The following RAB31 variants were observed in gnomAD, a reference collection of about 807,000 sequenced individuals.
The protein encoded by RAB31 is RAB31, member RAS oncogene family, also known as ras-related protein Rab-31.
In RAB31, 21 loss-of-function variants were observed where a neutral mutation model predicts 25.6. That is an observed-to-expected ratio of 0.82 (90% CI 0.58 to 1.18). The LOEUF (loss-of-function observed/expected upper bound fraction) is 1.18, where lower values mean the gene tolerates loss of function less well. Ranked by LOEUF, RAB31 falls within the 50% of genes most tolerant of loss-of-function variation. The pLI, the probability that RAB31 is intolerant of heterozygous loss-of-function variation, is 0.00. For synonymous variants in RAB31, 87 were observed against 84.0 expected, an observed-to-expected ratio of 1.04 and a Z score of -0.20; for missense variants, 196 against 250.1, an observed-to-expected ratio of 0.78 and a Z score of 1.46.
intron 5 of RAB31, among the ~76,000 whole-genome samples, chr18:9,821,366 C>A (rs977354510): frequency 3.3e-5 from 5 of 152,152 alleles, no homozygotes; most frequent in African/African-American, 1.2e-4. Flanking sequence ...AGGTTGAGGG[C>A]CCTCTGCAGA....
At chr18:9,831,588 G>A (rs2068678727) in intron 5 of RAB31, among the ~76,000 whole-genome samples, 1 of 152,282 alleles carries the variant, frequency 6.6e-6, no homozygotes, top group Admixed American at 6.5e-5. Flanking sequence ...CAGCAGGGAC[G>A]GGCCACCACG....
intron 5 of RAB31, among the ~76,000 whole-genome samples, chr18:9,816,965 C>A (rs2143082557): frequency 6.6e-6 from 1 of 152,308 alleles, no homozygotes; most frequent in South Asian, 2.1e-4. Flanking sequence ...TGTTCTGTTT[C>A]TTTAGGATTT....
chr18:9,785,662 G>A (rs2068428068), intron 2 of RAB31, among the ~76,000 whole-genome samples: 1 of 152,198 alleles, frequency 6.6e-6, no homozygotes, highest in Non-Finnish European at 1.5e-5. Context: ...ATCTTCTAGA[G>A]GAAGGATGCT....
intron 1 of RAB31, among the ~76,000 whole-genome samples, chr18:9,747,426 T>C (rs576795072): frequency 6.6e-5 from 10 of 152,298 alleles, no homozygotes; most frequent in Non-Finnish European, 1.5e-4. Context: ...CTCAAATACT[T>C]GTACATTCAT....
intron 1 of RAB31, among the ~76,000 whole-genome samples, chr18:9,724,630 T>A (rs1425561890): frequency 6.6e-6 from 1 of 152,212 alleles, no homozygotes; most frequent in Admixed American, 6.5e-5. Flanking sequence ...ACATCAGGAA[T>A]GATTGAGAAG....
In RAB31 at chr18:9,736,649, C is replaced by A. The variant is rs112930114; in HGVS notation, c.39+28205C>A. Among the ~76,000 whole-genome samples, 308 of 152,170 alleles carry A rather than the reference C, an allele frequency of 2.0e-3. 3 individuals are homozygous for A. The highest frequency in any genetic ancestry group is 6.8e-3 in the African/African-American group (283 of 41,506). ...AATTATTTGCTCAGTGTGTAATATC[C>A]CATTAAATATCCAAAGTCAATTCAG... On this transcript the variant is annotated intron_variant, in intron 1 of 6. Coordinates refer to ENST00000578921, the MANE Select transcript of RAB31 (RefSeq NM_006868.4).
intron 1 of RAB31, among the ~76,000 whole-genome samples, chr18:9,755,444 T>G (rs996254854): frequency 6.6e-6 from 1 of 152,220 alleles, no homozygotes; most frequent in African/African-American, 2.4e-5. Flanking sequence ...AGATTAGTTT[T>G]CTGTGCTGGA....
chr18:9,805,272 C>T (rs1245993234), intron 3 of RAB31, among the ~76,000 whole-genome samples: 1 of 88,356 alleles, frequency 1.1e-5, no homozygotes, highest in Non-Finnish European at 2.4e-5. Flanking sequence ...AAAACAAAAA[C>T]ATAAAAAGAT....
chr18:9,811,191 G>A (rs548896351), intron 3 of RAB31, among the ~76,000 whole-genome samples: 2 of 152,322 alleles, frequency 1.3e-5, no homozygotes, highest in East Asian at 3.9e-4. Flanking sequence ...CCACCGCACA[G>A]TTCAGCTGTG....
chr18:9,829,252 A>G (rs1599057209), intron 5 of RAB31, among the ~76,000 whole-genome samples: 1 of 152,152 alleles, frequency 6.6e-6, no homozygotes, highest in African/African-American at 2.4e-5. Flanking sequence ...GTTATGCTTT[A>G]CACCTACATT....
intron 1 of RAB31, among the ~76,000 whole-genome samples, chr18:9,729,456 G>T (rs769405699): frequency 1.3e-5 from 2 of 152,152 alleles, no homozygotes; most frequent in South Asian, 2.1e-4. Context: ...AAACCAGGGA[G>T]GGGGAGCTTG....
chr18:9,751,725 A>T (rs911185265), intron 1 of RAB31, among the ~76,000 whole-genome samples: 2 of 152,212 alleles, frequency 1.3e-5, no homozygotes, highest in African/African-American at 4.8e-5. Context: ...CACGTAAAAA[A>T]GTGGTTCATT....
intron 1 of RAB31, chr18:9,735,421 T>C: frequency 4.6e-6 from 1 of 217,726 alleles, no homozygotes; most frequent in Non-Finnish European, 9.8e-6. Context: ...CCTCTTTAAG[T>C]GGTAATGCCT....
chr18:9,768,863 A>G (rs2145487499), intron 1 of RAB31, among the ~76,000 whole-genome samples: 1 of 152,270 alleles, frequency 6.6e-6, no homozygotes, highest in Admixed American at 6.5e-5. Flanking sequence ...TCTTGAGTTA[A>G]CTTTTGTATA....
intron 1 of RAB31, among the ~76,000 whole-genome samples, chr18:9,767,472 A>G (rs1226613883): frequency 6.6e-6 from 1 of 152,238 alleles, no homozygotes; most frequent in Admixed American, 6.5e-5. Context: ...TTTGTAGTAA[A>G]GGAGTCAGTA....
At chr18:9,788,981 ACAAAG>A (rs1303236205) in intron 2 of RAB31, among the ~76,000 whole-genome samples, 1 of 152,198 alleles carries the variant, frequency 6.6e-6, no homozygotes, top group Non-Finnish European at 1.5e-5. Context: ...AAAAAACAAA[ACAAAG>A]CAAAAATGAA....
chr18:9,824,021 T>A (rs566927366), intron 5 of RAB31, among the ~76,000 whole-genome samples: 8 of 152,232 alleles, frequency 5.3e-5, no homozygotes, highest in Non-Finnish European at 8.8e-5. Context: ...CCTGCTGATA[T>A]AACTTTTCTG....
At chr18:9,742,885 T>C (rs2068186958) in intron 1 of RAB31, among the ~76,000 whole-genome samples, 1 of 152,208 alleles carries the variant, frequency 6.6e-6, no homozygotes, top group Non-Finnish European at 1.5e-5. Flanking sequence ...TCCTTCTTCT[T>C]TTCCTTCTTC....
intron 3 of RAB31, among the ~76,000 whole-genome samples, chr18:9,799,925 C>T (rs143488667): frequency 1.0e-3 from 153 of 152,194 alleles, no homozygotes; most frequent in African/African-American, 3.5e-3. Context: ...TCTGTTGTAC[C>T]ATCAGTGTGG....
Sources: gnomAD v4.1 joint callset for allele counts (sites outside exome capture counted in the v4.1 genomes callset) on GRCh38, gnomAD v4.1.1 for gene constraint, MANE v1.5 for transcripts, NCBI Gene and HGNC (gene_info 2026-07-23, HGNC 2026-07-21) for gene names.